POLL: variants seen among roughly 807,000 people sequenced by gnomAD.
POLL encodes DNA polymerase beta-2.
In POLL, 44 loss-of-function variants were observed where a neutral mutation model predicts 58.1. That is an observed-to-expected ratio of 0.76 (90% CI 0.60 to 0.97). POLL has a LOEUF of 0.97. Ranked by LOEUF, POLL falls within the 50% of genes least tolerant of loss-of-function variation. The pLI is 0.00. For missense variants in POLL, 632 were observed against 736.8 expected (o/e 0.86, Z 1.65); for synonymous variants, 290 against 283.2 (o/e 1.02, Z -0.24).
intron 1 of POLL, 75 bp from the exon 2 acceptor site, chr10:101,587,481 T>G: frequency 1.3e-6 from 2 of 1,499,004 alleles, no homozygotes; most frequent in Non-Finnish European, 8.9e-7. Flanking sequence ...TGACCAGGCT[T>G]TGGGGGTAGC....
At position 101,584,830 on chromosome 10, in the gene POLL, G is replaced by T. The variant is rs761546004; in HGVS notation, c.663C>A (p.Thr221=). The T allele has an allele frequency of 6.4e-6, 10 of 1,553,304 alleles. No individual in the cohort carries two copies. The highest frequency in any genetic ancestry group is 1.9e-5 in the Admixed American group (1 of 52,964). The change falls in exon 5 of 9, where the codon ACC becomes ACA. Residue 221 remains threonine (T), a synonymous_variant. Transcript: ENST00000370162. Reference sequence around the variant, plus strand: ...TAGGCTCACAATCTCCCTCAAGGGAGGTGGGGTAGTGGCCACTGATGAGGG... The same window carrying T: ...TAGGCTCACAATCTCCCTCAAGGGATGTGGGGTAGTGGCCACTGATGAGGG... ...LEALISGHYP[T]SLEGDCEPSP... is the part of the protein sequence containing the mutation.
At chr10:101,587,484 G>A (rs767458721) in intron 1 of POLL, 78 bp from the exon 2 acceptor site, 2 of 1,522,658 alleles carry the variant, frequency 1.3e-6, no homozygotes, top group African/African-American at 1.4e-5. Context: ...CCAGGCTTTG[G>A]GGGTAGCAGC....
chr10:101,579,802 T>G lies in POLL; in HGVS notation c.1379A>C (p.Asp460Ala), dbSNP rs1374326639. ...SLRQEGFLTD[D>A]LVSQEENGQQ... is the part of the protein sequence containing the mutation. ...ACCATTCTCCTCTTGGCTCACCAAG[T>G]CATCTGTGAGGAACCCTGGCCCAAC... The change falls in exon 9 of 9, where the codon GAC (aspartate) becomes GCC (alanine). Residue 460 changes from aspartate to alanine, a missense_variant. Transcript: ENST00000370162. The surrounding 1 kb of genome is among the most constrained non-coding windows in gnomAD (Gnocchi z 4.4). The G allele has an allele frequency of 6.2e-7, 1 of 1,613,030 alleles. No individual in the cohort carries two copies. The highest frequency in any genetic ancestry group is 1.1e-5 in the South Asian group (1 of 90,968).
Position 101,587,382 on chromosome 10 carries a change from C to T in POLL, c.-22G>A, listed in dbSNP as rs781187872. The T allele has an allele frequency of 3.1e-6, 5 of 1,613,462 alleles. No homozygotes were observed. Among genetic ancestry groups the T allele is most frequent in the East Asian group, 4.5e-5 (2 of 44,854 alleles). On this transcript the variant is annotated 5_prime_UTR_variant, in exon 2 of 9. Transcript: ENST00000370162. ...CCATTGAAGTATGGCTGGATCCCGG[C>T]CTATTGGAGCGTTGGTCAGGGCTGC...
In POLL at chr10:101,583,558, A is replaced by C; in HGVS notation, c.1015T>G (p.Ser339Ala). Reference protein sequence around the residue: ...SESVPVLELFSNIWGAGTKTA... With the variant: ...SESVPVLELFANIWGAGTKTA... The stretch of plus-strand genomic sequence containing the variant: ...TTGGTCCCAGCTCCCCAGATGTTGG[A>C]GAAGAGCTCCAAGACAGGCACGCTC... Residue 339 changes from serine (S) to alanine (A), a missense_variant, in exon 6 of 9, where the codon TCC (serine) becomes GCC (alanine). Ser to Ala is a moderately conservative substitution (Grantham distance 99, BLOSUM62 1). Coordinates refer to ENST00000370162, the MANE Select transcript of POLL (RefSeq NM_001174084.2). The C allele has an allele frequency of 6.2e-7, 1 of 1,613,902 alleles. No homozygotes were observed. Among genetic ancestry groups the C allele is most frequent in the Non-Finnish European group, 8.5e-7 (1 of 1,180,028 alleles).
intron 3 of POLL, 132 bp from the exon 4 acceptor site, chr10:101,585,610 G>T: frequency 2.3e-6 from 2 of 871,484 alleles, no homozygotes; most frequent in East Asian, 2.7e-5. Flanking sequence ...GAGGTTTTTG[G>T]AGTTTCTCTT....
chr10:101,580,294 GGACCGGC>G lies in POLL; in HGVS notation c.1310_1316del (p.Gly437AlafsTer24), dbSNP rs754455378. 7.4e-6 allele frequency: 12 copies of G among 1,614,008 alleles called. No homozygotes were observed. The Admixed American group carries it at 1.8e-4, about 25-fold the overall frequency. On this transcript the variant is annotated frameshift_variant, in exon 8 of 9. Transcript: ENST00000370162. LOFTEE classifies it high-confidence loss of function. This position sits in a 1 kb window ranked among gnomAD's most constrained non-coding sequence, Gnocchi z 4.1. ...GGAGGCGGCTGAAGATACCCCGGTGGGACCGGCCATCTGGGTGAGTGATGAGCACGTC... is the reference window on the plus strand; with the variant it reads ...GGAGGCGGCTGAAGATACCCCGGTGGCATCTGGGTGAGTGATGAGCACGTC...
chr10:101,586,587 G>A (rs1252906207), intron 2 of POLL, among the ~76,000 whole-genome samples: 1 of 151,066 alleles, frequency 6.6e-6, no homozygotes, highest in Non-Finnish European at 1.5e-5. Flanking sequence ...TCCATCTCCC[G>A]AGTTCAAGCG....
In POLL at chr10:101,587,313, A is replaced by C; in HGVS notation, c.48T>G (p.Ile16Met). Residue 16 changes from isoleucine to methionine, a missense_variant, in exon 2 of 9, where the codon ATT becomes ATG. Physicochemically the swap from Ile to Met is conservative, Grantham distance 10. Coordinates refer to ENST00000370162, the MANE Select transcript of POLL (RefSeq NM_001174084.2). The stretch of plus-strand genomic sequence containing the variant: ...GTACTTTTGATGATGCATCAGCATG[A>C]ATTTTCTGCCGCTTGGGAAATGCCT... ...ILKAFPKRQK[I>M]HADASSKVLA... 6.2e-7 allele frequency: 1 copy of C among 1,614,164 alleles called. No homozygotes were observed. The highest frequency in any genetic ancestry group is 8.5e-7 in the Non-Finnish European group (1 of 1,180,030).
chr10:101,582,441 T>C (rs1403791111), intron 7 of POLL, among the ~76,000 whole-genome samples: 1 of 151,996 alleles, frequency 6.6e-6, no homozygotes, highest in Admixed American at 6.5e-5. Flanking sequence ...TCAGTACAGA[T>C]ATAATTCACC....
intron 4 of POLL, 40 bp from the exon 5 acceptor site, chr10:101,584,959 C>G: frequency 7.8e-7 from 1 of 1,287,630 alleles, no homozygotes; most frequent in South Asian, 2.5e-5. Flanking sequence ...AATTCTTGTT[C>G]TCCAAGAGAA....
At chr10:101,581,438 C>G (rs2062982992) in intron 7 of POLL, 1 of 152,202 alleles carries the variant, frequency 6.6e-6, no homozygotes, top group African/African-American at 2.4e-5. Flanking sequence ...TGGTGATGGG[C>G]AGACAAAGAG....
intron 5 of POLL, 59 bp downstream of exon 5, chr10:101,584,543 C>T (rs1454232661): frequency 8.0e-7 from 1 of 1,255,310 alleles, no homozygotes; most frequent in African/African-American, 1.5e-5. Flanking sequence ...CTGAACCCCA[C>T]TGGGGTTACT....
intron 2 of POLL, 40 bp downstream of exon 2, chr10:101,587,206 G>A: frequency 1.2e-6 from 2 of 1,613,784 alleles, no homozygotes; most frequent in South Asian, 1.1e-5. Context: ...GAAGGCTGTG[G>A]GTTCAAGCAC....
At position 101,580,289 on chromosome 10, in the gene POLL, C is replaced by A. The variant is rs1175144747; in HGVS notation, c.1322G>T (p.Arg441Leu). The change falls in exon 8 of 9, where the codon CGG (arginine) becomes CTG (leucine). Residue 441 changes from arginine (R) to leucine (L), a missense_variant. Physicochemically the swap from Arg to Leu is moderately radical, Grantham distance 102. Transcript: ENST00000370162. This position sits in a 1 kb window ranked among gnomAD's most constrained non-coding sequence, Gnocchi z 4.1. ...LITHPDGRSH[R>L]GIFSRLLDSL... Reference sequence around the variant, plus strand: ...GTCAAGGAGGCGGCTGAAGATACCCCGGTGGGACCGGCCATCTGGGTGAGT... The same window carrying A: ...GTCAAGGAGGCGGCTGAAGATACCCAGGTGGGACCGGCCATCTGGGTGAGT... 1 of 1,614,000 alleles carries A rather than the reference C, an allele frequency of 6.2e-7. No homozygotes were observed. Among genetic ancestry groups the A allele is most frequent in the Non-Finnish European group, 8.5e-7 (1 of 1,179,996 alleles).
intron 7 of POLL, chr10:101,581,155 C>T (rs1442588918): frequency 6.6e-6 from 1 of 152,272 alleles, no homozygotes; most frequent in Admixed American, 6.5e-5. Context: ...CACCCCAGGA[C>T]ACTGAAAATT....
chr10:101,579,253 G>A lies in POLL; in HGVS notation c.*200C>T, dbSNP rs1171538790. 1.4e-5 allele frequency: 9 copies of A among 621,602 alleles called. No homozygotes were observed. The highest frequency in any genetic ancestry group is 2.8e-5 in the East Asian group (1 of 35,772). The allele number at this position is 621,602 out of a possible 1,614,324, so 38.5% of individuals were successfully genotyped here. ...GCAGCCTGCTCCTGTCTGGGAGAGG[G>A]CTGGGCAGACACTGGGAGCCGGGCA... On this transcript the variant is annotated 3_prime_UTR_variant, in exon 9 of 9. Transcript: ENST00000370162. The surrounding 1 kb of genome is among the most constrained non-coding windows in gnomAD (Gnocchi z 4.4).
Position 101,580,309 on chromosome 10 carries a change from G to C in POLL, c.1302C>G (p.His434Gln). 1.2e-6 allele frequency: 2 copies of C among 1,614,022 alleles called. No homozygotes were observed. The highest frequency in any genetic ancestry group is 1.7e-6 in the Non-Finnish European group (2 of 1,179,962). Residue 434 changes from histidine (H) to glutamine (Q), a missense_variant, in exon 8 of 9, where the codon CAC becomes CAG. By Grantham distance (24) the His-to-Gln change is conservative (BLOSUM62 0). Transcript: ENST00000370162. This position sits in a 1 kb window ranked among gnomAD's most constrained non-coding sequence, Gnocchi z 4.1. ...TACCCCGGTGGGACCGGCCATCTGG[G>C]TGAGTGATGAGCACGTCGACATCAC... ...TCGDVDVLITHPDGRSHRGIF... is the reference protein window; with the variant it reads ...TCGDVDVLITQPDGRSHRGIF...
At position 101,584,925 on chromosome 10, in the gene POLL, G is replaced by A. The variant is rs778128522; in HGVS notation, c.574-6C>T. 1 of 1,386,350 alleles carries A rather than the reference G, an allele frequency of 7.2e-7. No individual in the cohort carries two copies. Among genetic ancestry groups the A allele is most frequent in the Non-Finnish European group, 9.4e-7 (1 of 1,061,622 alleles). The allele number at this position is 1,386,350 out of a possible 1,614,324, so 85.9% of individuals were successfully genotyped here. On this transcript the variant is annotated splice_polypyrimidine_tract_variant and splice_region_variant and intron_variant, in intron 4 of 8. Transcript: ENST00000370162. ...GCTTCATCATCAGAGATGGGCTTGG[G>A]ATAGAGAAGAAAAGAAAACAATAAA...
Sources: gnomAD v4.1 joint callset for allele counts (sites outside exome capture counted in the v4.1 genomes callset) on GRCh38, gnomAD v4.1.1 for gene constraint, Gnocchi (gnomAD v3.1) non-coding constraint, MANE v1.5 for transcripts, NCBI Gene and HGNC (gene_info 2026-07-23, HGNC 2026-07-21) for gene names.